Variants in NFIB observed in about 807,000 individuals in gnomAD.
NFIB encodes nuclear factor I B.
Under a neutral mutation model 61.5 loss-of-function variants are expected in NFIB, and 11 were observed. That is an observed-to-expected ratio of 0.18 (90% CI 0.11 to 0.30). The LOEUF (loss-of-function observed/expected upper bound fraction) is 0.30, where lower values mean the gene tolerates loss of function less well. Among genes scored for constraint, NFIB ranks in the 10% least tolerant of loss-of-function variants. NFIB has a pLI of 1.00. For synonymous variants in NFIB, 260 were observed against 216.5 expected, an observed-to-expected ratio of 1.20 and a Z score of -1.76; for missense variants, 471 against 608.9, an observed-to-expected ratio of 0.77 and a Z score of 2.38.
the NFIB span, among the ~76,000 whole-genome samples, chr9:14,417,774 GTTTTTTTTTT>G: frequency 6.5e-5 from 6 of 91,784 alleles, no homozygotes; most frequent in Admixed American, 3.0e-4. Context: ...CCTAGGAACA[GTTTTTTTTTT>G]TTTTTTTTTT....
chr9:14,135,680 A>G (rs756894192), intron 6 of NFIB, among the ~76,000 whole-genome samples: 3 of 152,142 alleles, frequency 2.0e-5, no homozygotes, highest in Non-Finnish European at 4.4e-5. Flanking sequence ...CCTTATATAT[A>G]TATATTTACA....
intron 2 of NFIB, among the ~76,000 whole-genome samples, chr9:14,205,670 C>T (rs1011362948): frequency 1.3e-5 from 2 of 152,104 alleles, no homozygotes; most frequent in Non-Finnish European, 2.9e-5. Flanking sequence ...TCAACTGAAT[C>T]CAACATTCTT....
At chr9:14,354,615 A>G (rs2132925597) in intron 1 of NFIB, among the ~76,000 whole-genome samples, 1 of 152,282 alleles carries the variant, frequency 6.6e-6, no homozygotes, top group African/African-American at 2.4e-5. Context: ...AGTCAGGTGA[A>G]TTTTTAAGTG....
At chr9:14,384,004 C>T (rs945437125) in intron 1 of NFIB, among the ~76,000 whole-genome samples, 2 of 152,196 alleles carry the variant, frequency 1.3e-5, no homozygotes, top group African/African-American at 2.4e-5. Context: ...GGCCGGGGTG[C>T]CCAGGCTCGT....
the NFIB span, among the ~76,000 whole-genome samples, chr9:14,439,287 T>A: frequency 6.6e-6 from 1 of 152,126 alleles, no homozygotes; most frequent in Non-Finnish European, 1.5e-5. Flanking sequence ...GGAGGATCCC[T>A]TGAGCCCAGG....
intron 2 of NFIB, among the ~76,000 whole-genome samples, chr9:14,260,846 T>C (rs1045421069): frequency 2.0e-5 from 3 of 152,174 alleles, no homozygotes; most frequent in Non-Finnish European, 4.4e-5. Flanking sequence ...TTTTCTGAAT[T>C]TGAAGGCACT....
the NFIB span, among the ~76,000 whole-genome samples, chr9:14,427,481 G>A: frequency 2.6e-5 from 4 of 152,106 alleles, no homozygotes; most frequent in African/African-American, 9.7e-5. Context: ...GGTAATTGGT[G>A]GAGCTTAAAT....
At chr9:14,199,028 A>G (rs1385052951) in intron 2 of NFIB, among the ~76,000 whole-genome samples, 1 of 152,170 alleles carries the variant, frequency 6.6e-6, no homozygotes, top group Non-Finnish European at 1.5e-5. Context: ...TACTCAAAAC[A>G]TCACACCCTG....
At chr9:14,189,022 A>T (rs767100816) in intron 2 of NFIB, among the ~76,000 whole-genome samples, 6 of 152,224 alleles carry the variant, frequency 3.9e-5, no homozygotes, top group Non-Finnish European at 5.9e-5. Flanking sequence ...TTTTCTCTTA[A>T]AAGGAAAGCA....
the NFIB span, among the ~76,000 whole-genome samples, chr9:14,490,568 A>C: frequency 1.3e-5 from 2 of 152,192 alleles, no homozygotes; most frequent in South Asian, 4.1e-4. Flanking sequence ...ACAAAGGCTT[A>C]GTATTCAGAC....
chr9:14,228,433 T>A (rs1300530491), intron 2 of NFIB, among the ~76,000 whole-genome samples: 1 of 152,020 alleles, frequency 6.6e-6, no homozygotes, highest in Non-Finnish European at 1.5e-5. Context: ...TGACCTCAGG[T>A]CATCTACCCG....
chr9:14,185,603 A>C (rs987066019), intron 2 of NFIB, among the ~76,000 whole-genome samples: 3 of 152,178 alleles, frequency 2.0e-5, no homozygotes, highest in Non-Finnish European at 4.4e-5. Flanking sequence ...TTATAGCCCT[A>C]ATCTTTGGGA....
At chr9:14,440,042 G>A in the NFIB span, among the ~76,000 whole-genome samples, 163 of 152,292 alleles carry the variant, frequency 1.1e-3, 1 homozygote, top group African/African-American at 3.6e-3. Flanking sequence ...TCTGTAGAAC[G>A]ATCCAGGCAT....
the NFIB span, among the ~76,000 whole-genome samples, chr9:14,514,521 T>G: frequency 0.15 from 22,246 of 152,174 alleles, 2,105 homozygotes; most frequent in Middle Eastern, 0.26. Context: ...TTTTAATGAC[T>G]TAACAAAGAA....
At chr9:14,498,933 G>T in the NFIB span, among the ~76,000 whole-genome samples, 2 of 151,968 alleles carry the variant, frequency 1.3e-5, no homozygotes, top group Non-Finnish European at 2.9e-5. Context: ...ATCAAGATGG[G>T]GTTCCTGCCT....
intron 2 of NFIB, among the ~76,000 whole-genome samples, chr9:14,272,460 C>T (rs1457396427): frequency 6.6e-6 from 1 of 152,060 alleles, no homozygotes; most frequent in East Asian, 1.9e-4. Flanking sequence ...AAAAACACTC[C>T]TACTGAAAAT....
At chr9:14,100,645 C>T (rs1272708054) in intron 10 of NFIB, among the ~76,000 whole-genome samples, 2 of 152,182 alleles carry the variant, frequency 1.3e-5, no homozygotes, top group Non-Finnish European at 2.9e-5. Context: ...ACCCGGGAGG[C>T]GGAGCTTGCA....
chr9:14,345,206 G>C (rs760759569), intron 1 of NFIB, among the ~76,000 whole-genome samples: 5 of 152,086 alleles, frequency 3.3e-5, no homozygotes, highest in Non-Finnish European at 7.4e-5. Flanking sequence ...AAGAGAAAGG[G>C]GCATCTCCAA....
rs2032849462 is a variant in NFIB, at chr9:14,086,253, A to G, written c.*2056T>C. On this transcript the variant is annotated 3_prime_UTR_variant, in exon 11 of 11. Coordinates refer to ENST00000380953, the MANE Select transcript of NFIB (RefSeq NM_001190737.2). ...AATCCTCCCACCCACCCCAGAATAT[A>G]TATATATGTATATTAAAAAAAATCC... The G allele has an allele frequency of 4.5e-6, 1 of 220,012 alleles. No homozygotes were observed. The highest frequency in any genetic ancestry group is 9.1e-6 in the Non-Finnish European group (1 of 109,632). 13.6% of individuals were successfully genotyped at this position (220,012 alleles called of 1,614,324 possible). A position where few individuals can be genotyped will look rare whatever the true frequency, so the allele number is the denominator to read the frequency against.
Sources: allele counts gnomAD v4.1 joint callset (sites outside exome capture counted in the v4.1 genomes callset), GRCh38; gene constraint gnomAD v4.1.1; transcripts MANE v1.5; gene names NCBI Gene and HGNC (gene_info 2026-07-23, HGNC 2026-07-21).